ALDH7A1: variants seen among roughly 807,000 people sequenced by gnomAD.
The protein encoded by ALDH7A1 is alpha-aminoadipic semialdehyde dehydrogenase.
ALDH7A1 carries 63 observed loss-of-function variants against 79.9 expected under a neutral mutation model. That is an observed-to-expected ratio of 0.79 (90% CI 0.64 to 0.97). ALDH7A1 has a LOEUF of 0.97. Among genes scored for constraint, ALDH7A1 ranks in the 50% least tolerant of loss-of-function variants. The pLI, the probability that ALDH7A1 is intolerant of heterozygous loss-of-function variation, is 0.00. For missense variants in ALDH7A1, 627 were observed against 665.2 expected (o/e 0.94, Z 0.63); for synonymous variants, 240 against 231.2 (o/e 1.04, Z -0.34).
intron 7 of ALDH7A1, among the ~76,000 whole-genome samples, chr5:126,573,497 A>C (rs1750851914): frequency 6.6e-6 from 1 of 152,054 alleles, no homozygotes; most frequent in African/African-American, 2.4e-5. Flanking sequence ...CAGGAGATCG[A>C]GACCATCCTG....
intron 9 of ALDH7A1, among the ~76,000 whole-genome samples, chr5:126,562,627 A>C (rs1750442136): frequency 1.3e-5 from 2 of 152,140 alleles, no homozygotes; most frequent in Admixed American, 6.5e-5. Flanking sequence ...AGGTGGGCAG[A>C]TCAAAAGGTC....
chr5:126,587,805 T>C (rs375233417), intron 3 of ALDH7A1: 4 of 152,166 alleles, frequency 2.6e-5, no homozygotes, highest in African/African-American at 9.6e-5. Context: ...GGTCAAGCTT[T>C]GGTCTGTTCT....
At chr5:126,573,172 T>A (rs1325092068) in intron 7 of ALDH7A1, among the ~76,000 whole-genome samples, 1 of 150,184 alleles carries the variant, frequency 6.7e-6, no homozygotes, top group Non-Finnish European at 1.5e-5. Flanking sequence ...ATGAACAATA[T>A]TTTAACCAGC....
At chr5:126,566,884 A>G (rs930158423) in intron 9 of ALDH7A1, among the ~76,000 whole-genome samples, 2 of 152,206 alleles carry the variant, frequency 1.3e-5, no homozygotes, top group African/African-American at 2.4e-5. Flanking sequence ...TAATTTGCCA[A>G]ATAGGACTAG....
chr5:126,553,654 TGAGCTGAGATCAC>T (rs1329546782), intron 13 of ALDH7A1, among the ~76,000 whole-genome samples: 1 of 151,348 alleles, frequency 6.6e-6, no homozygotes, highest in African/African-American at 2.4e-5. Flanking sequence ...GAGGTTGCAG[TGAGCTGAGATCAC>T]GCCACTGCAC....
At chr5:126,581,839 G>A (rs1751186294) in intron 5 of ALDH7A1, 1 of 226,274 alleles carries the variant, frequency 4.4e-6, no homozygotes, top group Admixed American at 5.8e-5. Context: ...TTAGCCGGGT[G>A]TGATGGTGCA....
chr5:126,591,168 G>C (rs183871972), intron 3 of ALDH7A1, among the ~76,000 whole-genome samples: 17 of 152,178 alleles, frequency 1.1e-4, no homozygotes, highest in Non-Finnish European at 2.1e-4. Context: ...ATAAATACAA[G>C]TAAGTTTTTA....
intron 16 of ALDH7A1, 82 bp from the exon 17 acceptor site, chr5:126,546,481 CA>C (rs1376727387): frequency 1.6e-6 from 2 of 1,240,094 alleles, no homozygotes; most frequent in Non-Finnish European, 2.4e-6. Flanking sequence ...AAGAAGATAC[CA>C]AAAGGACACC....
At chr5:126,593,098 A>C (rs1190337252) in intron 2 of ALDH7A1, among the ~76,000 whole-genome samples, 1 of 152,182 alleles carries the variant, frequency 6.6e-6, no homozygotes, top group African/African-American at 2.4e-5. Flanking sequence ...CCCCCTGCCT[A>C]ATCTTTCTAC....
At chr5:126,593,678 G>A in intron 1 of ALDH7A1, 1 of 569,538 alleles carries the variant, frequency 1.8e-6, no homozygotes, top group Non-Finnish European at 3.1e-6. Flanking sequence ...CAGTTATTTT[G>A]TCTCTTTTTC....
intron 13 of ALDH7A1, among the ~76,000 whole-genome samples, chr5:126,552,715 G>A (rs1581360689): frequency 6.6e-6 from 1 of 151,722 alleles, no homozygotes; most frequent in African/African-American, 2.4e-5. Flanking sequence ...ATCTTTATAT[G>A]TGGGGGGTTT....
Position 126,551,941 on chromosome 5 carries a change from T to C in ALDH7A1, c.1317+80A>G. 3.6e-6 allele frequency: 4 copies of C among 1,105,028 alleles called. No individual in the cohort carries two copies. The South Asian group carries it at 3.7e-5, about 10-fold the overall frequency. The allele number at this position is 1,105,028 out of a possible 1,614,324, so 68.5% of individuals were successfully genotyped here. A position where few individuals can be genotyped will look rare whatever the true frequency, so the allele number is the denominator to read the frequency against. On this transcript the variant is annotated intron_variant, in intron 14 of 17. Transcript: ENST00000409134. The stretch of plus-strand genomic sequence containing the variant: ...TTTCTAAAACCCTCTTAAAGGTTCA[T>C]CCAGTGAAATTTAATCCACCATCAT...
intron 9 of ALDH7A1, among the ~76,000 whole-genome samples, chr5:126,566,479 C>T (rs897771708): frequency 6.6e-6 from 1 of 152,082 alleles, no homozygotes; most frequent in South Asian, 2.1e-4. Context: ...TTAATAAATT[C>T]CTTTTTAAAA....
intron 7 of ALDH7A1, among the ~76,000 whole-genome samples, chr5:126,573,667 T>C (rs1199349222): frequency 3.9e-4 from 52 of 134,696 alleles, no homozygotes; most frequent in Non-Finnish European, 6.2e-4. Flanking sequence ...CACTGCACTC[T>C]AGCCTGGTGA....
intron 5 of ALDH7A1, among the ~76,000 whole-genome samples, chr5:126,577,799 C>T (rs1441931283): frequency 6.6e-6 from 1 of 151,816 alleles, no homozygotes; most frequent in Non-Finnish European, 1.5e-5. Context: ...CTCCTGACCT[C>T]AAGTGATCCA....
At chr5:126,594,781 C>T (rs1041187623) in intron 1 of ALDH7A1, among the ~76,000 whole-genome samples, 10 of 152,022 alleles carry the variant, frequency 6.6e-5, no homozygotes, top group African/African-American at 1.7e-4. Flanking sequence ...GGAAGTTTAG[C>T]CCCTACAGCT....
At chr5:126,551,960 C>G in intron 14 of ALDH7A1, 61 bp downstream of exon 14, 1 of 1,297,672 alleles carries the variant, frequency 7.7e-7, no homozygotes, top group Non-Finnish European at 1.1e-6. Flanking sequence ...ATTTAATCCA[C>G]CATCATTTTC....
intron 5 of ALDH7A1, chr5:126,581,420 G>C (rs767355225): frequency 1.3e-5 from 2 of 151,224 alleles, no homozygotes; most frequent in African/African-American, 2.4e-5. Context: ...CAGATCACCT[G>C]AGCCCCGGAG....
intron 9 of ALDH7A1, among the ~76,000 whole-genome samples, chr5:126,563,737 C>CGCCTCAGCCTCCCAAA (rs1453933294): frequency 1.3e-5 from 2 of 152,238 alleles, no homozygotes; most frequent in East Asian, 3.9e-4. Context: ...GTGATCCGCC[C>CGCCTCAGCCTCCCAAA]GCCTCAGCCT....
Sources: allele counts gnomAD v4.1 joint callset (sites outside exome capture counted in the v4.1 genomes callset), GRCh38; gene constraint gnomAD v4.1.1; transcripts MANE v1.5; gene names NCBI Gene and HGNC (gene_info 2026-07-23, HGNC 2026-07-21).